PTER: variants seen among roughly 807,000 people sequenced by gnomAD.
PTER encodes the protein N-acetyltaurine hydrolase.
In PTER, 38 loss-of-function variants were observed where a neutral mutation model predicts 29.6. The observed-to-expected ratio is 1.28, with a 90% CI of 0.99 to 1.68. The LOEUF is 1.68. PTER is among the 40% of genes most tolerant of loss of function. PTER has a pLI of 0.00. For synonymous variants in PTER, 172 were observed against 154.5 expected (o/e 1.11, Z -0.84); for missense variants, 482 against 427.8 (o/e 1.13, Z -1.12).
chr10:16,443,284 A>G (rs938295083), intron 1 of PTER, among the ~76,000 whole-genome samples: 4 of 152,172 alleles, frequency 2.6e-5, no homozygotes, highest in African/African-American at 9.7e-5. Flanking sequence ...CACCAGTCCT[A>G]TTGGATTGAG....
intron 1 of PTER, among the ~76,000 whole-genome samples, chr10:16,455,471 G>A (rs2051011): frequency 0.24 from 36,002 of 151,212 alleles, 4,404 homozygotes; most frequent in Middle Eastern, 0.38. Context: ...CAGGAGGATC[G>A]TTTGAGCCCA....
chr10:16,502,003 A>T (rs909475950), intron 3 of PTER, among the ~76,000 whole-genome samples: 1 of 152,254 alleles, frequency 6.6e-6, no homozygotes, highest in Non-Finnish European at 1.5e-5. Flanking sequence ...TTTATTTTCA[A>T]TTGGAGCTAA....
In PTER at chr10:16,503,603, G is replaced by A. The variant is rs190168967; in HGVS notation, c.699-1417G>A. Among the ~76,000 whole-genome samples the A allele has an allele frequency of 1.1e-3, 160 of 151,278 alleles. 1 individual carries two copies. The highest frequency in any genetic ancestry group is 2.4e-3 in the East Asian group (12 of 5,040). Reference sequence around the variant, plus strand: ...GTATTTTTAGTAGAGATGGGGTTTCGCCATGTTGGCCAAGCTGGTCTTGAA... The same window carrying A: ...GTATTTTTAGTAGAGATGGGGTTTCACCATGTTGGCCAAGCTGGTCTTGAA... On this transcript the variant is annotated intron_variant, in intron 3 of 4. Coordinates refer to ENST00000535784, the MANE Select transcript of PTER (RefSeq NM_001261836.2).
At chr10:16,466,246 A>G (rs1362963930) in intron 1 of PTER, among the ~76,000 whole-genome samples, 4 of 152,062 alleles carry the variant, frequency 2.6e-5, no homozygotes, top group Admixed American at 6.6e-5. Context: ...TCAGAATGGA[A>G]AAGTCTCTGA....
At chr10:16,476,901 C>CTCTCTCTT (rs1214090481) in intron 1 of PTER, among the ~76,000 whole-genome samples, 1 of 100,368 alleles carries the variant, frequency 1.0e-5, no homozygotes, top group African/African-American at 4.5e-5. Context: ...TCCTAGAATT[C>CTCTCTCTT]TTTTTTTTTT....
chr10:16,505,146 C>T lies in PTER; in HGVS notation c.825C>T (p.Asn275=), dbSNP rs776593722. 2.5e-6 allele frequency: 4 copies of T among 1,613,746 alleles called. No individual in the cohort carries two copies. Among genetic ancestry groups the T allele is most frequent in the Middle Eastern group, 1.6e-4 (1 of 6,062 alleles). The change falls in exon 4 of 5, where the codon AAC becomes AAT. Residue 275 remains asparagine (N), a synonymous_variant. Transcript: ENST00000535784. The part of the protein sequence containing the change: ...LGPDIDMPDD[N]KRIRRVRLLV... ...CAGATATTGACATGCCTGATGATAA[C>T]AAAAGAATTAGAAGGTAAATATGGT...
chr10:16,487,147 G>A (rs534260584), intron 3 of PTER, among the ~76,000 whole-genome samples: 1 of 152,192 alleles, frequency 6.6e-6, no homozygotes, highest in Non-Finnish European at 1.5e-5. Flanking sequence ...AATAAGTATA[G>A]CATGTGTTGG....
chr10:16,510,129 G>A (rs180993288), intron 4 of PTER, among the ~76,000 whole-genome samples: 1 of 152,106 alleles, frequency 6.6e-6, no homozygotes, highest in African/African-American at 2.4e-5. Context: ...CCATAGAAGA[G>A]CCATTGTCTG....
downstream of PTER, among the ~76,000 whole-genome samples, chr10:16,517,487 A>C (rs1442243493): frequency 6.6e-6 from 1 of 152,228 alleles, no homozygotes; most frequent in Non-Finnish European, 1.5e-5. Context: ...TAGTGGCATT[A>C]GAGTGATTGT....
chr10:16,457,338 G>T (rs1027970720), intron 1 of PTER, among the ~76,000 whole-genome samples: 1 of 150,514 alleles, frequency 6.6e-6, no homozygotes, highest in African/African-American at 2.5e-5. Flanking sequence ...TCAGCCTCCC[G>T]AGTAGCTGGG....
At chr10:16,493,571 A>T (rs1835983166) in intron 3 of PTER, among the ~76,000 whole-genome samples, 1 of 152,154 alleles carries the variant, frequency 6.6e-6, no homozygotes, top group Admixed American at 6.6e-5. Context: ...AGCCGGCCAG[A>T]AAAATTATTT....
At chr10:16,446,684 G>T (rs536428918) in intron 1 of PTER, among the ~76,000 whole-genome samples, 10 of 152,170 alleles carry the variant, frequency 6.6e-5, no homozygotes, top group African/African-American at 2.2e-4. Context: ...ACTCGTTATT[G>T]TTGCCATGGT....
At chr10:16,498,321 C>T (rs1836192670) in intron 3 of PTER, among the ~76,000 whole-genome samples, 1 of 152,190 alleles carries the variant, frequency 6.6e-6, no homozygotes, top group Admixed American at 6.5e-5. Flanking sequence ...ACTGTAATCC[C>T]AGCACTTTGG....
downstream of PTER, chr10:16,514,471 G>A (rs546914660): frequency 9.5e-6 from 14 of 1,479,718 alleles, no homozygotes; most frequent in Admixed American, 1.1e-4. Context: ...ATTCACTGAC[G>A]TTAGCCATAC....
intron 1 of PTER, among the ~76,000 whole-genome samples, chr10:16,465,838 C>T (rs116651481): frequency 0.01 from 1,536 of 152,172 alleles, 21 homozygotes; most frequent in African/African-American, 0.035. Flanking sequence ...AGGGGAATCA[C>T]GCATGTCTTA....
At chr10:16,501,343 ACACACACACACACACACACACACACATG>A (rs1335375536) in intron 3 of PTER, among the ~76,000 whole-genome samples, 5 of 112,350 alleles carry the variant, frequency 4.5e-5, no homozygotes, top group African/African-American at 1.7e-4. Context: ...ACACACACAC[ACACACACACACACACACACACACACATG>A]CACACACACA....
chr10:16,480,652 A>G (rs1464340430), intron 1 of PTER, among the ~76,000 whole-genome samples: 1 of 152,192 alleles, frequency 6.6e-6, no homozygotes, highest in Non-Finnish European at 1.5e-5. Flanking sequence ...CAGGTAAAAT[A>G]GAGTCCTGGA....
chr10:16,492,407 T>G (rs1835931424), intron 3 of PTER, among the ~76,000 whole-genome samples: 1 of 152,178 alleles, frequency 6.6e-6, no homozygotes, highest in Non-Finnish European at 1.5e-5. Context: ...CGTGTCCAGG[T>G]GACGTGTAAT....
At chr10:16,502,111 G>A (rs568286931) in intron 3 of PTER, among the ~76,000 whole-genome samples, 4 of 152,142 alleles carry the variant, frequency 2.6e-5, no homozygotes, top group Non-Finnish European at 5.9e-5. Flanking sequence ...TATTCTCAAG[G>A]CATTGGGCCA....
Sources: gnomAD v4.1 joint callset for allele counts (sites outside exome capture counted in the v4.1 genomes callset) on GRCh38, gnomAD v4.1.1 for gene constraint, MANE v1.5 for transcripts, NCBI Gene and HGNC (gene_info 2026-07-23, HGNC 2026-07-21) for gene names.